The following MYO16 variants were observed in gnomAD, a reference collection of about 807,000 sequenced individuals.
MYO16 encodes the protein unconventional myosin-XVI.
Under a neutral mutation model 205.3 loss-of-function variants are expected in MYO16, and 94 were observed. The ratio of observed to expected loss-of-function variants is 0.46; its 90% confidence interval spans 0.39 to 0.54. The LOEUF is 0.54. Among genes scored for constraint, MYO16 ranks in the 20% least tolerant of loss-of-function variants. The pLI is 0.00. For missense variants in MYO16, 2,315 were observed against 2,387.5 expected (o/e 0.97, Z 0.63); for synonymous variants, 988 against 954.0 (o/e 1.04, Z -0.66).
rs71204890 is a variant in MYO16, at chr13:108,967,155, ATGTG to A, written c.2369+2277_2369+2280del. Reference sequence around the variant, plus strand: ...ACAGACATGTATACTGACTATATATATGTGTGTGTGTGTGTGTGTGTGTGTGTAT... The same window carrying A: ...ACAGACATGTATACTGACTATATATATGTGTGTGTGTGTGTGTGTGTGTAT... On this transcript the variant is annotated intron_variant, in intron 20 of 34. Transcript: ENST00000457511. 9.7e-3 allele frequency among the ~76,000 whole-genome samples: 1,210 copies of A among 124,556 alleles called. 7 individuals carry two copies. The highest frequency in any genetic ancestry group is 0.034 in the African/African-American group (1,088 of 32,220). 81.7% of individuals were successfully genotyped at this position (124,556 alleles called of 152,430 possible).
At chr13:108,989,617 A>T (rs1282825534) in intron 20 of MYO16, among the ~76,000 whole-genome samples, 1 of 152,184 alleles carries the variant, frequency 6.6e-6, no homozygotes, top group Non-Finnish European at 1.5e-5. Flanking sequence ...ATAACAATGA[A>T]CATCCTTGTT....
intron 33 of MYO16, among the ~76,000 whole-genome samples, chr13:109,178,587 GT>G (rs1293298798): frequency 2.0e-5 from 3 of 152,198 alleles, no homozygotes; most frequent in Non-Finnish European, 4.4e-5. Flanking sequence ...AATTCATTTT[GT>G]TGGGTTCTTA....
intron 3 of MYO16, among the ~76,000 whole-genome samples, chr13:108,716,633 G>A (rs1457793166): frequency 6.6e-6 from 1 of 152,218 alleles, no homozygotes; most frequent in Non-Finnish European, 1.5e-5. Flanking sequence ...TCAAGTGTGA[G>A]TATCTGTGCT....
chr13:109,157,170 ACT>A (rs1566539412), intron 32 of MYO16, among the ~76,000 whole-genome samples: 1 of 129,324 alleles, frequency 7.7e-6, no homozygotes, highest in Non-Finnish European at 1.5e-5. Context: ...CTCTCCCCTG[ACT>A]CTCTTTCTAC....
At chr13:108,902,683 C>G (rs1267152725) in intron 15 of MYO16, among the ~76,000 whole-genome samples, 2 of 152,128 alleles carry the variant, frequency 1.3e-5, no homozygotes, top group Admixed American at 6.5e-5. Flanking sequence ...ATGCATTGCT[C>G]CAGTCTCTGC....
intron 34 of MYO16, among the ~76,000 whole-genome samples, chr13:109,206,313 G>A (rs143835681): frequency 7.7e-4 from 117 of 152,268 alleles, no homozygotes; most frequent in African/African-American, 2.5e-3. Flanking sequence ...CACAGTAATC[G>A]AGGGCATAGG....
intron 31 of MYO16, among the ~76,000 whole-genome samples, chr13:109,139,037 C>G (rs945189218): frequency 5.9e-5 from 9 of 152,058 alleles, no homozygotes; most frequent in Admixed American, 3.3e-4. Flanking sequence ...CCAGGCTGGT[C>G]TCAAACTCCT....
intron 2 of MYO16, among the ~76,000 whole-genome samples, chr13:108,709,260 G>A (rs548770891): frequency 1.3e-5 from 2 of 152,256 alleles, no homozygotes; most frequent in South Asian, 4.1e-4. Flanking sequence ...CTATGAACCC[G>A]TACCTTTTTG....
chr13:109,196,866 T>G lies in MYO16; in HGVS notation c.5416-9743T>G, dbSNP rs142254201. ...GAATGTCAACTTTAAAAATAAAAAT[T>G]ACAGAATAACTAGCAAGTGTCTTAT... is the stretch of plus-strand genomic sequence containing the variant. On this transcript the variant is annotated intron_variant, in intron 34 of 34. Transcript: ENST00000457511. Among the ~76,000 whole-genome samples, 96 of 152,294 alleles carry G rather than the reference T, an allele frequency of 6.3e-4. 2 individuals are homozygous for G. In the East Asian group the frequency reaches 0.016, roughly 25 times the overall value.
At chr13:108,984,095 A>G (rs934854949) in intron 20 of MYO16, among the ~76,000 whole-genome samples, 3 of 152,108 alleles carry the variant, frequency 2.0e-5, no homozygotes, top group African/African-American at 7.2e-5. Flanking sequence ...CTCTATCACA[A>G]AACTTTCTTT....
intron 8 of MYO16, among the ~76,000 whole-genome samples, chr13:108,821,194 T>C (rs561092755): frequency 6.6e-6 from 1 of 152,160 alleles, no homozygotes; most frequent in South Asian, 2.1e-4. Context: ...CTGACTTAAA[T>C]GTACTTTACT....
At chr13:109,143,318 T>A in intron 32 of MYO16, among the ~76,000 whole-genome samples, 1 of 152,190 alleles carries the variant, frequency 6.6e-6, no homozygotes, top group East Asian at 1.9e-4. Flanking sequence ...ACCTTCTCCC[T>A]ATTTATTCTT....
chr13:108,972,889 A>G (rs1884108647), intron 20 of MYO16, among the ~76,000 whole-genome samples: 2 of 151,898 alleles, frequency 1.3e-5, no homozygotes, highest in Non-Finnish European at 2.9e-5. Context: ...TTTTAAGAAA[A>G]ATAAGATACG....
rs558130161 is a variant in MYO16, at chr13:109,184,779, T to G, written c.5415+5146T>G. On this transcript the variant is annotated intron_variant, in intron 34 of 34. Transcript: ENST00000457511. ...ACTTGGCTAATTTTTTTCTTTTTTT[T>G]TTTGAAATGGATGGAGCCTCACTCT... Among the ~76,000 whole-genome samples, 396 of 151,642 alleles carry G rather than the reference T, an allele frequency of 2.6e-3. 2 individuals are homozygous for G. Among genetic ancestry groups the G allele is most frequent in the African/African-American group, 9.2e-3 (380 of 41,274 alleles).
intron 3 of MYO16, among the ~76,000 whole-genome samples, chr13:108,715,020 A>G (rs1247530197): frequency 1.3e-5 from 2 of 152,108 alleles, no homozygotes; most frequent in East Asian, 3.9e-4. Flanking sequence ...TCACTTCTGT[A>G]TCTGAAATGC....
intron 1 of MYO16, among the ~76,000 whole-genome samples, chr13:108,635,371 A>C (rs9587635): frequency 0.13 from 19,711 of 152,236 alleles, 1,741 homozygotes; most frequent in South Asian, 0.25. Context: ...TTAACTAGTC[A>C]AATTTCTTCA....
the MYO16 span, among the ~76,000 whole-genome samples, chr13:108,572,745 G>T: frequency 8.5e-5 from 13 of 152,084 alleles, no homozygotes; most frequent in Admixed American, 2.0e-4. Context: ...TCCACTTAAT[G>T]GTATGCTTTA....
intron 16 of MYO16, among the ~76,000 whole-genome samples, chr13:108,945,137 C>T (rs1370236755): frequency 6.6e-6 from 1 of 152,142 alleles, no homozygotes; most frequent in South Asian, 2.1e-4. Flanking sequence ...GTGTAACTTA[C>T]TTCGATTTCT....
At chr13:108,577,101 C>T in the MYO16 span, among the ~76,000 whole-genome samples, 1 of 152,188 alleles carries the variant, frequency 6.6e-6, no homozygotes, top group Non-Finnish European at 1.5e-5. Context: ...CTAAAATTCC[C>T]CACCATACAG....
Sources: gnomAD v4.1 joint callset for allele counts (sites outside exome capture counted in the v4.1 genomes callset) on GRCh38, gnomAD v4.1.1 for gene constraint, MANE v1.5 for transcripts, NCBI Gene and HGNC (gene_info 2026-07-23, HGNC 2026-07-21) for gene names.